BRI3BP: variants seen among roughly 807,000 people sequenced by gnomAD.
BRI3BP encodes the protein BRI3-binding protein.
A neutral mutation model predicts 15.8 loss-of-function variants in BRI3BP; 7 were observed. The ratio of observed to expected loss-of-function variants is 0.44; its 90% CI spans 0.25 to 0.83. The LOEUF is 0.83. Among genes scored for constraint, BRI3BP ranks in the 40% least tolerant of loss-of-function variants. The pLI, the probability that BRI3BP is intolerant of heterozygous loss-of-function variation, is 0.20. For missense variants in BRI3BP, 320 were observed against 339.3 expected, an observed-to-expected ratio of 0.94 and a Z score of 0.45; for synonymous variants, 192 against 163.5, an observed-to-expected ratio of 1.17 and a Z score of -1.33.
At chr12:125,043,983 C>T in the BRI3BP span, among the ~76,000 whole-genome samples, 1 of 149,426 alleles carries the variant, frequency 6.7e-6, no homozygotes, top group Non-Finnish European at 1.5e-5. Flanking sequence ...TGTGATCACA[C>T]CATTGCACTC....
chr12:124,999,123 G>T (rs1321314443), intron 1 of BRI3BP, among the ~76,000 whole-genome samples: 2 of 152,168 alleles, frequency 1.3e-5, no homozygotes, highest in African/African-American at 2.4e-5. Flanking sequence ...CCTACTGTAT[G>T]TGGAGAAAAT....
the BRI3BP span, among the ~76,000 whole-genome samples, chr12:125,041,291 C>T: frequency 7.0e-6 from 1 of 142,544 alleles, no homozygotes; most frequent in East Asian, 2.2e-4. Context: ...CTCCTGATCT[C>T]GTGATCCACC....
In BRI3BP at chr12:125,008,299, C is replaced by CTTTT. The variant is rs55697100; in HGVS notation, c.214-4216_214-4213dup. Among the ~76,000 whole-genome samples the CTTTT allele has an allele frequency of 5.0e-5, 5 of 99,912 alleles. 1 individual carries two copies. The highest frequency in any genetic ancestry group is 6.2e-4 in the East Asian group (2 of 3,224). 65.5% of individuals were successfully genotyped at this position (99,912 alleles called of 152,430 possible). The stretch of plus-strand genomic sequence containing the variant: ...AGGGGCAGTCACCCTCCTCTTCTTT[C>CTTTT]TTTTTTTTTTTTTTTTTTTTTTGAT... On this transcript the variant is annotated intron_variant, in intron 1 of 2. Coordinates refer to ENST00000341446, the MANE Select transcript of BRI3BP (RefSeq NM_080626.6).
intron 1 of BRI3BP, among the ~76,000 whole-genome samples, chr12:125,009,928 C>G (rs1955183003): frequency 6.6e-6 from 1 of 152,006 alleles, no homozygotes; most frequent in Non-Finnish European, 1.5e-5. Context: ...ATGGTGAAAC[C>G]CCATCTCTAC....
chr12:125,011,918 C>T (rs1329409229), intron 1 of BRI3BP, among the ~76,000 whole-genome samples: 1 of 152,100 alleles, frequency 6.6e-6, no homozygotes, highest in African/African-American at 2.4e-5. Context: ...GGGTGCGGTG[C>T]AGTGTTTCAC....
At chr12:125,001,212 G>A (rs1312603917) in intron 1 of BRI3BP, among the ~76,000 whole-genome samples, 3 of 150,870 alleles carry the variant, frequency 2.0e-5, no homozygotes, top group African/African-American at 7.3e-5. Context: ...CCGCCATCAC[G>A]CCCGGCTAAT....
chr12:125,008,190 A>T (rs912842683), intron 1 of BRI3BP, among the ~76,000 whole-genome samples: 4 of 147,500 alleles, frequency 2.7e-5, no homozygotes, highest in Non-Finnish European at 6.0e-5. Context: ...TCTCTGGAAG[A>T]CCTCTTCATG....
At chr12:125,046,051 G>GT in the BRI3BP span, among the ~76,000 whole-genome samples, 129 of 152,048 alleles carry the variant, frequency 8.5e-4, no homozygotes, top group Non-Finnish European at 6.9e-4. Context: ...TGTAATCCCA[G>GT]CTACTTGGGA....
the BRI3BP span, among the ~76,000 whole-genome samples, chr12:125,048,343 C>T: frequency 6.6e-6 from 1 of 152,054 alleles, no homozygotes; most frequent in African/African-American, 2.4e-5. Flanking sequence ...CCAAGGTGGC[C>T]CAACCTAAGT....
chr12:125,021,169 C>T (rs1955295464), intron 2 of BRI3BP, among the ~76,000 whole-genome samples: 2 of 152,224 alleles, frequency 1.3e-5, no homozygotes, highest in South Asian at 4.1e-4. Flanking sequence ...GTGTAGCAAA[C>T]ACACTCTGGC....
intron 1 of BRI3BP, among the ~76,000 whole-genome samples, chr12:125,003,691 G>A (rs1208636238): frequency 6.6e-6 from 1 of 152,114 alleles, no homozygotes; most frequent in Non-Finnish European, 1.5e-5. Context: ...GGTGGCTCAT[G>A]CCTGTAATCC....
At chr12:124,999,589 A>G (rs1023225343) in intron 1 of BRI3BP, among the ~76,000 whole-genome samples, 12 of 150,886 alleles carry the variant, frequency 8.0e-5, no homozygotes, top group Non-Finnish European at 1.3e-4. Flanking sequence ...ATGCCCTGCT[A>G]AGTTTTTTAT....
At chr12:124,995,037 GT>G (rs1466910876) in intron 1 of BRI3BP, among the ~76,000 whole-genome samples, 1 of 152,178 alleles carries the variant, frequency 6.6e-6, no homozygotes, top group Non-Finnish European at 1.5e-5. Flanking sequence ...AAAAGTTAAA[GT>G]TTTCTGCTCA....
chr12:125,016,355 G>GTTT lies in BRI3BP; in HGVS notation c.316+3731_316+3733dup, dbSNP rs55938703. ...CAATTCTATAATTTCTTTCTTCAGT[G>GTTT]TTTTTTTTTTTTTTGAGTCTGGTTA... On this transcript the variant is annotated intron_variant, in intron 2 of 2. Coordinates refer to ENST00000341446, the MANE Select transcript of BRI3BP (RefSeq NM_080626.6). 4.0e-3 allele frequency among the ~76,000 whole-genome samples: 574 copies of GTTT among 143,126 alleles called. 3 individuals carry two copies. The highest frequency in any genetic ancestry group is 6.7e-3 in the Non-Finnish European group (438 of 65,860). The allele number at this position is 143,126 out of a possible 152,430, so 93.9% of individuals were successfully genotyped here. A position where few individuals can be genotyped will look rare whatever the true frequency, so the allele number is the denominator to read the frequency against.
intron 2 of BRI3BP, among the ~76,000 whole-genome samples, chr12:125,022,533 A>ATTTTTTTT (rs1955307726): frequency 2.8e-5 from 3 of 108,784 alleles, no homozygotes; most frequent in African/African-American, 1.4e-4. Flanking sequence ...TTATTTATTT[A>ATTTTTTTT]TTTATTTATT....
At chr12:125,012,714 T>G in intron 2 of BRI3BP, 78 bp downstream of exon 2, 1 of 1,118,930 alleles carries the variant, frequency 8.9e-7, no homozygotes, top group African/African-American at 1.5e-5. Flanking sequence ...GTACTCACAG[T>G]GAGTAATACA....
At chr12:125,048,055 C>T in the BRI3BP span, among the ~76,000 whole-genome samples, 1 of 151,342 alleles carries the variant, frequency 6.6e-6, no homozygotes, top group Non-Finnish European at 1.5e-5. Context: ...TGGTCTGGCC[C>T]TCTCTTTAAA....
chr12:125,010,575 G>A (rs1399083693), intron 1 of BRI3BP, among the ~76,000 whole-genome samples: 1 of 151,932 alleles, frequency 6.6e-6, no homozygotes, highest in African/African-American at 2.4e-5. Context: ...TGAAGAGATC[G>A]AGACCATCCT....
chr12:124,998,260 C>G (rs999891154), intron 1 of BRI3BP, among the ~76,000 whole-genome samples: 1 of 152,134 alleles, frequency 6.6e-6, no homozygotes, highest in African/African-American at 2.4e-5. Context: ...CCACTGCACT[C>G]AAGCCGGGGG....
Sources: allele counts gnomAD v4.1 joint callset (sites outside exome capture counted in the v4.1 genomes callset), GRCh38; gene constraint gnomAD v4.1.1; transcripts MANE v1.5; gene names NCBI Gene and HGNC (gene_info 2026-07-23, HGNC 2026-07-21).